The following STK32B variants were observed in gnomAD, a reference collection of about 807,000 sequenced individuals.
The protein encoded by STK32B is serine/threonine kinase 32B.
Under a neutral mutation model 52.6 loss-of-function variants are expected in STK32B, and 43 were observed. The ratio of observed to expected loss-of-function variants is 0.82; its 90% CI spans 0.64 to 1.05. The LOEUF is 1.05. STK32B is among the 50% of genes least tolerant of loss of function. The pLI is 0.00. For synonymous variants in STK32B, 238 were observed against 204.3 expected, an observed-to-expected ratio of 1.17 and a Z score of -1.41; for missense variants, 621 against 534.6, an observed-to-expected ratio of 1.16 and a Z score of -1.59.
At chr4:5,122,457 A>T (rs1456523579) in intron 1 of STK32B, among the ~76,000 whole-genome samples, 1 of 151,550 alleles carries the variant, frequency 6.6e-6, no homozygotes, top group African/African-American at 2.4e-5. Flanking sequence ...TCACTTATCC[A>T]TTCAGTTGTT....
At chr4:5,107,268 G>T (rs1431666156) in intron 1 of STK32B, among the ~76,000 whole-genome samples, 1 of 152,086 alleles carries the variant, frequency 6.6e-6, no homozygotes. Context: ...CCATCTAGTT[G>T]CAGGAAAATA....
rs1479313736 is a variant in STK32B at position 5,252,993 on chromosome 4, A to T, written c.261-78227A>T. The stretch of plus-strand genomic sequence containing the variant: ...TTCTAATCCTTCTGCCACCACTGCC[A>T]ACTTACTCTTCCTAAGGGCTTGTGC... On this transcript the variant is annotated intron_variant, in intron 3 of 11. Transcript: ENST00000282908. Among the ~76,000 whole-genome samples the T allele has an allele frequency of 2.0e-5, 3 of 152,208 alleles. No homozygotes were observed. The East Asian group carries it at 5.8e-4, about 29-fold the overall frequency.
chr4:5,137,755 A>T (rs532087225), intron 1 of STK32B, among the ~76,000 whole-genome samples: 2 of 152,328 alleles, frequency 1.3e-5, no homozygotes, highest in East Asian at 3.9e-4. Context: ...GTTCAGAGTT[A>T]ACTCTAAGGA....
At chr4:5,246,293 A>G (rs1043196108) in intron 3 of STK32B, among the ~76,000 whole-genome samples, 1 of 152,022 alleles carries the variant, frequency 6.6e-6, no homozygotes, top group African/African-American at 2.4e-5. Flanking sequence ...TTTTTCTCTA[A>G]GATTCTCTTC....
At chr4:5,163,538 CTGTGTGTGTGTGTGTGTGTGTG>C (rs3077842) in intron 2 of STK32B, among the ~76,000 whole-genome samples, 5 of 139,334 alleles carry the variant, frequency 3.6e-5, no homozygotes, top group South Asian at 2.4e-4. Context: ...AGAGTGAAGG[CTGTGTGTGTGTGTGTGTGTGTG>C]TGTGTGTGTG....
chr4:5,244,419 G>T (rs894822907), intron 3 of STK32B, among the ~76,000 whole-genome samples: 1 of 152,138 alleles, frequency 6.6e-6, no homozygotes, highest in Non-Finnish European at 1.5e-5. Flanking sequence ...GATTGGTGGT[G>T]ATATGCCCAT....
At chr4:5,487,609 C>A (rs975817282) in intron 11 of STK32B, among the ~76,000 whole-genome samples, 5 of 152,136 alleles carry the variant, frequency 3.3e-5, no homozygotes, top group African/African-American at 9.7e-5. Flanking sequence ...AAAGAAATCA[C>A]CAATACAACT....
chr4:5,143,125 G>GTCTGTCTGTCTGTCTGTCTA (rs1553835302), intron 2 of STK32B, among the ~76,000 whole-genome samples: 4 of 100,098 alleles, frequency 4.0e-5, no homozygotes, highest in East Asian at 1.8e-3. Context: ...CTGTCTGTCT[G>GTCTGTCTGTCTGTCTGTCTA]TCTGTCTATC....
intron 1 of STK32B, among the ~76,000 whole-genome samples, chr4:5,106,073 C>G (rs185389398): frequency 1.3e-5 from 2 of 151,532 alleles, no homozygotes; most frequent in African/African-American, 4.8e-5. Flanking sequence ...GAGGCCGAGG[C>G]GGGGGGATCA....
intron 3 of STK32B, among the ~76,000 whole-genome samples, chr4:5,315,687 T>TC (rs35821683): frequency 9.8e-6 from 1 of 101,758 alleles, no homozygotes; most frequent in African/African-American, 7.2e-5. Context: ...TTTTTCTTTT[T>TC]TTTTTTTTTT....
At chr4:5,413,761 AG>A (rs1468300252) in intron 5 of STK32B, among the ~76,000 whole-genome samples, 1 of 152,220 alleles carries the variant, frequency 6.6e-6, no homozygotes, top group African/African-American at 2.4e-5. Flanking sequence ...AGGGTCTGAG[AG>A]GCTGATCACA....
the STK32B span, among the ~76,000 whole-genome samples, chr4:5,029,454 A>T: frequency 6.6e-6 from 1 of 152,096 alleles, no homozygotes; most frequent in Admixed American, 6.6e-5. Flanking sequence ...GTGGAGGGAG[A>T]CACAAGAGAA....
chr4:5,236,006 G>A (rs1724608463), intron 3 of STK32B, among the ~76,000 whole-genome samples: 1 of 152,144 alleles, frequency 6.6e-6, no homozygotes, highest in Non-Finnish European at 1.5e-5. Flanking sequence ...AGGAAAACAA[G>A]GTCTGGCACA....
At chr4:5,459,287 C>A (rs948451200) in intron 8 of STK32B, among the ~76,000 whole-genome samples, 2 of 63,596 alleles carry the variant, frequency 3.1e-5, no homozygotes, top group African/African-American at 5.0e-5. Flanking sequence ...GGTGTGCCCC[C>A]CCCCCCCACC....
chr4:5,372,779 C>T (rs1303096737), intron 4 of STK32B, among the ~76,000 whole-genome samples: 1 of 151,424 alleles, frequency 6.6e-6, no homozygotes, highest in African/African-American at 2.4e-5. Context: ...TGCCACGCAT[C>T]AGTATTTCTT....
intron 1 of STK32B, among the ~76,000 whole-genome samples, chr4:5,052,473 C>A (rs967826764): frequency 6.6e-6 from 1 of 152,086 alleles, no homozygotes; most frequent in African/African-American, 2.4e-5. Flanking sequence ...TGGGCAGCCT[C>A]CCCCTGGCGC....
At chr4:5,390,922 C>T (rs1736556030) in intron 4 of STK32B, among the ~76,000 whole-genome samples, 1 of 150,686 alleles carries the variant, frequency 6.6e-6, no homozygotes, top group Admixed American at 6.6e-5. Flanking sequence ...TACCTCTGTC[C>T]TTATGTGGCC....
intron 1 of STK32B, among the ~76,000 whole-genome samples, chr4:5,085,966 A>C (rs918521439): frequency 6.6e-6 from 1 of 151,802 alleles, no homozygotes; most frequent in Non-Finnish European, 1.5e-5. Context: ...GCTTTTCTTT[A>C]TTTTACTCAA....
intron 3 of STK32B, among the ~76,000 whole-genome samples, chr4:5,275,680 C>T (rs900027689): frequency 1.1e-4 from 17 of 151,772 alleles, no homozygotes; most frequent in African/African-American, 4.1e-4. Flanking sequence ...GCTTTGGACA[C>T]CTGGGGGAAT....
Sources: allele counts gnomAD v4.1 joint callset (sites outside exome capture counted in the v4.1 genomes callset), GRCh38; gene constraint gnomAD v4.1.1; transcripts MANE v1.5; gene names NCBI Gene and HGNC (gene_info 2026-07-23, HGNC 2026-07-21).